Variants in SGCD observed in about 807,000 individuals in gnomAD.
SGCD encodes the protein delta-sarcoglycan.
A neutral mutation model predicts 36.6 loss-of-function variants in SGCD; 18 were observed. The observed-to-expected ratio is 0.49, with a 90% CI of 0.34 to 0.73. SGCD has a LOEUF of 0.73. SGCD is among the 30% of genes least tolerant of loss of function. SGCD has a pLI of 0.01. For synonymous variants in SGCD, 133 were observed against 130.6 expected (o/e 1.02, Z -0.12); for missense variants, 387 against 346.7 (o/e 1.12, Z -0.92).
At chr5:156,411,671 C>T (rs1335272439) in intron 3 of SGCD, among the ~76,000 whole-genome samples, 1 of 152,144 alleles carries the variant, frequency 6.6e-6, no homozygotes, top group African/African-American at 2.4e-5. Context: ...TATGAAAAGA[C>T]ACTAGCATGG....
intron 3 of SGCD, among the ~76,000 whole-genome samples, chr5:156,192,475 A>G (rs1262409440): frequency 2.0e-5 from 3 of 152,098 alleles, no homozygotes; most frequent in South Asian, 2.1e-4. Flanking sequence ...TGGGAAGTGT[A>G]TGGGGGTACA....
At chr5:156,330,016 CAA>C (rs758475764) in intron 2 of SGCD, among the ~76,000 whole-genome samples, 10 of 57,542 alleles carry the variant, frequency 1.7e-4, no homozygotes, top group East Asian at 1.2e-3. Context: ...GATTCAGTCT[CAA>C]AAAAAAAAAA....
chr5:156,294,438 TA>T (rs1408086162), intron 3 of SGCD, among the ~76,000 whole-genome samples: 1 of 150,998 alleles, frequency 6.6e-6, no homozygotes, highest in South Asian at 2.1e-4. Context: ...CTATAAAAAG[TA>T]AAAAAAAAGC....
At chr5:156,367,258 A>G (rs1188146633) in intron 3 of SGCD, among the ~76,000 whole-genome samples, 1 of 152,258 alleles carries the variant, frequency 6.6e-6, no homozygotes, top group Non-Finnish European at 1.5e-5. Flanking sequence ...TAGAAAGAGG[A>G]TGCAGGAAAG....
In SGCD at chr5:156,442,327, G is replaced by A. The variant is rs187315780; in HGVS notation, c.193-66274G>A. On this transcript the variant is annotated intron_variant, in intron 3 of 8. Transcript: ENST00000337851. ...GAAGTCTGGCTAACAGAGTAGAAAG[G>A]GCTATGAGACGAAATTGGTTTACAT... 4.6e-3 allele frequency among the ~76,000 whole-genome samples: 696 copies of A among 152,260 alleles called. 3 individuals carry two copies. The highest frequency in any genetic ancestry group is 7.4e-3 in the Non-Finnish European group (500 of 68,000).
At chr5:155,951,410 C>T (rs1251303454) in intron 1 of SGCD, among the ~76,000 whole-genome samples, 1 of 151,830 alleles carries the variant, frequency 6.6e-6, no homozygotes, top group African/African-American at 2.4e-5. Context: ...ATGATGTTGG[C>T]CCAAAGAATT....
chr5:155,810,564 T>G, the SGCD span, among the ~76,000 whole-genome samples: 1 of 152,122 alleles, frequency 6.6e-6, no homozygotes, highest in Non-Finnish European at 1.5e-5. Flanking sequence ...TTATGTTAGT[T>G]GTCTTTAATA....
intron 5 of SGCD, among the ~76,000 whole-genome samples, chr5:156,593,026 A>T (rs948244962): frequency 2.6e-5 from 4 of 152,134 alleles, no homozygotes; most frequent in African/African-American, 9.7e-5. Context: ...CACTCACAGC[A>T]CTTTACCACC....
At chr5:156,758,567 C>T (rs1757423217) in intron 8 of SGCD, among the ~76,000 whole-genome samples, 2 of 152,084 alleles carry the variant, frequency 1.3e-5, no homozygotes, top group Admixed American at 1.3e-4. Flanking sequence ...TCACAACTGC[C>T]TCTTCAAGCA....
chr5:156,155,708 G>C (rs369508029), intron 3 of SGCD, among the ~76,000 whole-genome samples: 2 of 151,606 alleles, frequency 1.3e-5, no homozygotes, highest in Non-Finnish European at 1.5e-5. Flanking sequence ...GTGTCAGTGG[G>C]CAGCTGATAG....
At chr5:155,837,947 CT>C in the SGCD span, among the ~76,000 whole-genome samples, 1 of 152,122 alleles carries the variant, frequency 6.6e-6, no homozygotes, top group Admixed American at 6.5e-5. Context: ...ACTTCTGTCT[CT>C]TTTTAAACTC....
In SGCD at chr5:156,210,416, A is replaced by G. The variant is rs184827809; in HGVS notation, c.-44+86397A>G. ...AAGAAACATGAAAAACTAAGGAGAC[A>G]TAACAGCACCAAAAGGACATAATAA... On this transcript the variant is annotated intron_variant, in intron 3 of 9. Coordinates refer to the SGCD transcript ENST00000517913. Among the ~76,000 whole-genome samples, 57 of 152,270 alleles carry G rather than the reference A, an allele frequency of 3.7e-4. 1 individual carries two copies. Among genetic ancestry groups the G allele is most frequent in the African/African-American group, 1.3e-3 (56 of 41,556 alleles).
In SGCD at chr5:156,022,843, G is replaced by A. The variant is rs73812912; in HGVS notation, c.-281-95035G>A. On this transcript the variant is annotated intron_variant, in intron 1 of 9. Transcript: ENST00000517913. The stretch of plus-strand genomic sequence containing the variant: ...CTGATAATAATACTTTTCTTTCATT[G>A]TTATATGAGAAACTCACCCTGGAAA... Among the ~76,000 whole-genome samples the A allele has an allele frequency of 9.1e-3, 1,374 of 151,650 alleles. 27 individuals carry two copies. The highest frequency in any genetic ancestry group is 0.032 in the African/African-American group (1,307 of 41,290).
At chr5:156,164,457 G>A (rs758426661) in intron 3 of SGCD, among the ~76,000 whole-genome samples, 1 of 151,338 alleles carries the variant, frequency 6.6e-6, no homozygotes, top group Admixed American at 6.6e-5. Context: ...CTCCTTTCAT[G>A]AAATGGCAGT....
At chr5:155,896,647 A>G (rs944567193) in intron 1 of SGCD, among the ~76,000 whole-genome samples, 1 of 98,672 alleles carries the variant, frequency 1.0e-5, no homozygotes, top group Non-Finnish European at 2.1e-5. Flanking sequence ...CCGTGTCTCA[A>G]AAAAAAAAAA....
At chr5:156,139,297 T>G (rs1410382806) in intron 3 of SGCD, among the ~76,000 whole-genome samples, 1 of 152,218 alleles carries the variant, frequency 6.6e-6, no homozygotes, top group African/African-American at 2.4e-5. Flanking sequence ...GGAAATATTA[T>G]ATCTCTAGCT....
chr5:156,277,611 AAG>A (rs1455536118), intron 3 of SGCD, among the ~76,000 whole-genome samples: 2 of 152,182 alleles, frequency 1.3e-5, no homozygotes, highest in Non-Finnish European at 2.9e-5. Context: ...AGAGGTGGGA[AAG>A]AGACTGAGTA....
At chr5:155,857,818 G>C in the SGCD span, among the ~76,000 whole-genome samples, 5 of 152,156 alleles carry the variant, frequency 3.3e-5, no homozygotes, top group African/African-American at 1.2e-4. Context: ...CATGTACTTA[G>C]ATGTTACTTT....
At chr5:156,330,406 T>C (rs1768014555) in intron 2 of SGCD, among the ~76,000 whole-genome samples, 1 of 152,162 alleles carries the variant, frequency 6.6e-6, no homozygotes, top group Non-Finnish European at 1.5e-5. Context: ...CCTGGCTCCA[T>C]TCATCTTCAG....
Sources: allele counts gnomAD v4.1 joint callset (sites outside exome capture counted in the v4.1 genomes callset), GRCh38; gene constraint gnomAD v4.1.1; transcripts MANE v1.5; gene names NCBI Gene and HGNC (gene_info 2026-07-23, HGNC 2026-07-21).